NME6: variants seen among roughly 807,000 people sequenced by gnomAD.
NME6 encodes nucleoside diphosphate kinase 6, mitochondrial.
NME6 carries 16 observed loss-of-function variants against 22.2 expected under a neutral mutation model. The ratio of observed to expected loss-of-function variants is 0.72; its 90% confidence interval spans 0.49 to 1.09. NME6 has a LOEUF of 1.09. Ranked by LOEUF, NME6 falls within the 50% of genes least tolerant of loss-of-function variation. NME6 has a pLI of 0.00. For synonymous variants in NME6, 58 were observed against 85.2 expected (o/e 0.68, Z 1.76); for missense variants, 229 against 239.0 (o/e 0.96, Z 0.28).
intron 1 of NME6, 118 bp downstream of exon 1, chr3:48,301,235 C>G: frequency 2.6e-6 from 4 of 1,547,738 alleles, no homozygotes; most frequent in Non-Finnish European, 3.5e-6. Flanking sequence ...ACCCAGCCCC[C>G]TACTTCTCTA....
chr3:48,289,436 G>A (rs892855691), downstream of NME6, among the ~76,000 whole-genome samples: 1 of 152,132 alleles, frequency 6.6e-6, no homozygotes, highest in African/African-American at 2.4e-5. Flanking sequence ...GGTGAGAGTG[G>A]AAGAGACAAG....
intron 4 of NME6, chr3:48,295,776 C>T (rs2035025832): frequency 2.9e-6 from 1 of 348,178 alleles, no homozygotes; most frequent in Admixed American, 4.5e-5. Flanking sequence ...AGTGCAGTGC[C>T]ACGATCTTGG....
chr3:48,294,784 G>A lies in NME6; in HGVS notation c.414C>T (p.Ser138=). The A allele has an allele frequency of 6.2e-7, 1 of 1,614,098 alleles. No homozygotes were observed. Among genetic ancestry groups the A allele is most frequent in the Non-Finnish European group, 8.5e-7 (1 of 1,179,968 alleles). The stretch of plus-strand genomic sequence containing the variant: ...CAGGGAAGAAGGCTGCAATCTCTCT[G>A]CTGGCTGAAACCACAGAGTCTGTAA... The part of the protein sequence containing the change: ...THGSDSVVSA[S]REIAAFFPDF... The change falls in exon 6 of 6, where the codon AGC becomes AGT. Residue 138 remains serine (S), a synonymous_variant. Transcript: ENST00000442597.
chr3:48,294,685 C>A lies in NME6; in HGVS notation c.513G>T (p.Glu171Asp). The change falls in exon 6 of 6, where the codon GAG becomes GAT. Residue 171 changes from glutamate (E) to aspartate (D), a missense_variant. Coordinates refer to ENST00000442597, the MANE Select transcript of NME6 (RefSeq NM_001308426.2). ...TTCCAGCTACATAGTGGACACCTCC[C>A]TCTGGGCTATAGCACACAGGGCCAC... ...LRCGPVCYSP[E>D]GGVHYVAGTG... 6.2e-7 allele frequency: 1 copy of A among 1,614,196 alleles called. No individual in the cohort carries two copies. Among genetic ancestry groups the A allele is most frequent in the Non-Finnish European group, 8.5e-7 (1 of 1,180,038 alleles).
intron 5 of NME6, 113 bp from the exon 6 acceptor site, chr3:48,294,916 G>A: frequency 7.1e-7 from 1 of 1,402,866 alleles, no homozygotes; most frequent in South Asian, 1.3e-5. Context: ...CAGTCCTGGG[G>A]CATGTAAAGA....
rs556068239 is a variant in NME6, at chr3:48,293,184, C to T, written c.*1453G>A. 6.6e-6 allele frequency: 1 copy of T among 152,340 alleles called. No individual in the cohort carries two copies. The highest frequency in any genetic ancestry group is 1.5e-5 in the Non-Finnish European group (1 of 68,036). 9.4% of individuals were successfully genotyped at this position (152,340 alleles called of 1,614,324 possible). A position where few individuals can be genotyped will look rare whatever the true frequency, so the allele number is the denominator to read the frequency against. ...CCTTATGGGAAAAGTAGCTCTAAGT[C>T]CCAGGCTCACTTCTCTTGAGTTTCC... On this transcript the variant is annotated 3_prime_UTR_variant, in exon 6 of 6. Transcript: ENST00000442597.
At position 48,293,573 on chromosome 3, in the gene NME6, A is replaced by T. The variant is rs184417395; in HGVS notation, c.*1064T>A. The stretch of plus-strand genomic sequence containing the variant: ...TTCAGGCTTAGTTCCAAAGCCAGCT[A>T]TATCTTTTATAAAAGACTTTCCACC... On this transcript the variant is annotated 3_prime_UTR_variant, in exon 6 of 6. Coordinates refer to ENST00000442597, the MANE Select transcript of NME6 (RefSeq NM_001308426.2). 6.6e-6 allele frequency: 1 copy of T among 152,144 alleles called. No homozygotes were observed. Among genetic ancestry groups the T allele is most frequent in the Non-Finnish European group, 1.5e-5 (1 of 68,032 alleles). 9.4% of individuals were successfully genotyped at this position (152,144 alleles called of 1,614,324 possible).
chr3:48,298,308 C>T (rs1462544063), intron 2 of NME6, 119 bp downstream of exon 2: 1 of 876,298 alleles, frequency 1.1e-6, no homozygotes, highest in Non-Finnish European at 1.9e-6. Flanking sequence ...TGGCTTCTAG[C>T]TTTGCCTCCA....
rs1300602000 is a variant in NME6, at chr3:48,292,716, A to C, written c.*1921T>G. ...AGGCTCGCGCCACCACGCTTGGCTA[A>C]TTTTTGTATTTTTAGTAGAGACGGG... On this transcript the variant is annotated 3_prime_UTR_variant, in exon 6 of 6. Coordinates refer to ENST00000442597, the MANE Select transcript of NME6 (RefSeq NM_001308426.2). The C allele has an allele frequency of 1.3e-5, 2 of 151,872 alleles. No individual in the cohort carries two copies. The highest frequency in any genetic ancestry group is 2.9e-5 in the Non-Finnish European group (2 of 67,990). 9.4% of individuals were successfully genotyped at this position (151,872 alleles called of 1,614,324 possible).
At chr3:48,295,882 A>G in intron 4 of NME6, 1 of 542,752 alleles carries the variant, frequency 1.8e-6, no homozygotes, top group Non-Finnish European at 3.3e-6. Flanking sequence ...TGCCGGGCTA[A>G]TTTTTTGTAT....
intron 3 of NME6, among the ~76,000 whole-genome samples, chr3:48,296,401 C>T (rs1171863694): frequency 1.3e-5 from 2 of 152,102 alleles, no homozygotes; most frequent in African/African-American, 2.4e-5. Flanking sequence ...ATAACAACAC[C>T]TACTTTTTAG....
At position 48,298,520 on chromosome 3, in the gene NME6, A is replaced by T. The variant is rs200196665; in HGVS notation, c.-4T>A. 1 of 1,592,624 alleles carries T rather than the reference A, an allele frequency of 6.3e-7. No individual in the cohort carries two copies. Among genetic ancestry groups the T allele is most frequent in the Non-Finnish European group, 8.5e-7 (1 of 1,170,786 alleles). On this transcript the variant is annotated 5_prime_UTR_variant, in exon 2 of 6. Transcript: ENST00000442597. ...GGCTTCGCAAGATTGAGGCCATCTC[A>T]CTCCTGCCATTAGAGAGCTGTATTA...
intron 3 of NME6, among the ~76,000 whole-genome samples, chr3:48,296,493 T>C (rs1335790788): frequency 6.6e-6 from 1 of 152,214 alleles, no homozygotes; most frequent in Admixed American, 6.5e-5. Context: ...TGTTAACTAC[T>C]GATATTATCA....
intron 1 of NME6, 71 bp downstream of exon 1, chr3:48,301,282 G>A: frequency 6.3e-7 from 1 of 1,598,316 alleles, no homozygotes; most frequent in Non-Finnish European, 8.5e-7. Flanking sequence ...CTCGTACCCG[G>A]GGCCTAAGCC....
chr3:48,295,080 C>G lies in NME6; in HGVS notation c.389G>C (p.Gly130Ala). 6.2e-7 allele frequency: 1 copy of G among 1,613,962 alleles called. No individual in the cohort carries two copies. Among genetic ancestry groups the G allele is most frequent in the Non-Finnish European group, 8.5e-7 (1 of 1,179,954 alleles). Residue 130 changes from glycine (G) to alanine (A), a missense_variant, in exon 5 of 6, where the codon GGT (glycine) becomes GCT (alanine). Transcript: ENST00000442597. ...GLTDTRNTTH[G>A]SDSVVSASRE... ...GCTATGGACAGGGGACTCACCCGAA[C>G]CATGGGTGGTGTTGCGGGTGTCAGT... is the stretch of plus-strand genomic sequence containing the variant.
At chr3:48,291,093 C>G (rs947860713), downstream of NME6, 4 of 290,670 alleles carry the variant, frequency 1.4e-5, no homozygotes, top group Admixed American at 1.6e-4. Flanking sequence ...AAGGGATACA[C>G]TTGGCATATA....
intron 4 of NME6, 189 bp downstream of exon 4, chr3:48,295,930 T>C (rs1188402071): frequency 3.3e-6 from 2 of 610,158 alleles, no homozygotes; most frequent in Non-Finnish European, 3.0e-6. Flanking sequence ...TTGGCCAGGC[T>C]GGTCTCAAAC....
At position 48,295,092 on chromosome 3, in the gene NME6, T is replaced by A. The variant is rs754711255; in HGVS notation, c.377A>T (p.Asn126Ile). The A allele has an allele frequency of 1.9e-6, 3 of 1,613,920 alleles. No individual in the cohort carries two copies. Among genetic ancestry groups the A allele is most frequent in the Non-Finnish European group, 2.5e-6 (3 of 1,180,002 alleles). The change falls in exon 5 of 6, where the codon AAC becomes ATC. Residue 126 changes from asparagine (N) to isoleucine (I), a missense_variant. Physicochemically the swap from Asn to Ile is moderately radical, Grantham distance 149. Transcript: ENST00000442597. Reference protein sequence around the residue: ...RGSFGLTDTRNTTHGSDSVVS... With the variant: ...RGSFGLTDTRITTHGSDSVVS... ...GGACTCACCCGAACCATGGGTGGTG[T>A]TGCGGGTGTCAGTGAGGCCGAAACT...
intron 4 of NME6, 25 bp from the exon 5 acceptor site, chr3:48,295,260 A>C: frequency 6.3e-7 from 1 of 1,598,346 alleles, no homozygotes; most frequent in Non-Finnish European, 8.6e-7. Context: ...AGCACATGTA[A>C]AGAACCTGGC....
Sources: allele counts gnomAD v4.1 joint callset (sites outside exome capture counted in the v4.1 genomes callset), GRCh38; gene constraint gnomAD v4.1.1; transcripts MANE v1.5; gene names NCBI Gene and HGNC (gene_info 2026-07-23, HGNC 2026-07-21).